FAF1: variants seen among roughly 807,000 people sequenced by gnomAD.
FAF1 encodes the protein FAS-associated factor 1.
A neutral mutation model predicts 92.5 loss-of-function variants in FAF1; 25 were observed. That is an observed-to-expected ratio of 0.27 (90% confidence interval 0.20 to 0.38). FAF1 has a LOEUF of 0.38. FAF1 is among the 10% of genes least tolerant of loss of function. The pLI is 1.00. For missense variants in FAF1, 636 were observed against 793.3 expected (o/e 0.80, Z 2.38); for synonymous variants, 234 against 273.2 (o/e 0.86, Z 1.42).
chr1:50,757,417 T>C (rs1660118730), intron 4 of FAF1, among the ~76,000 whole-genome samples: 1 of 152,214 alleles, frequency 6.6e-6, no homozygotes, highest in South Asian at 2.1e-4. Context: ...TGATTTTAAA[T>C]ATTTCAAACT....
chr1:50,721,717 G>A (rs1006311350), intron 6 of FAF1, among the ~76,000 whole-genome samples: 2 of 151,874 alleles, frequency 1.3e-5, no homozygotes, highest in African/African-American at 4.8e-5. Context: ...TCAACCTCCT[G>A]GCCTCAAGCA....
chr1:50,904,869 CTATT>C (rs1384710645), intron 1 of FAF1, among the ~76,000 whole-genome samples: 2 of 151,580 alleles, frequency 1.3e-5, no homozygotes, highest in Admixed American at 6.6e-5. Flanking sequence ...ATAATATTTC[CTATT>C]TTTTTCCTTT....
chr1:50,949,083 G>A (rs1645193875), intron 1 of FAF1, among the ~76,000 whole-genome samples: 7 of 152,180 alleles, frequency 4.6e-5, no homozygotes, highest in Admixed American at 4.6e-4. Context: ...AAGAATCACA[G>A]GAATGGACGG....
At chr1:50,471,091 T>C (rs796341429) in intron 18 of FAF1, 49 of 152,314 alleles carry the variant, frequency 3.2e-4, no homozygotes, top group African/African-American at 1.1e-3. Context: ...ACAAGAGCGG[T>C]TGCACAGCAA....
At chr1:50,495,010 T>C (rs925315350) in intron 15 of FAF1, among the ~76,000 whole-genome samples, 15 of 152,192 alleles carry the variant, frequency 9.9e-5, no homozygotes, top group African/African-American at 3.1e-4. Context: ...GGTCTACATA[T>C]TTATGGGATA....
chr1:50,810,053 C>T (rs750233858), intron 2 of FAF1, among the ~76,000 whole-genome samples: 2 of 152,046 alleles, frequency 1.3e-5, no homozygotes, highest in Admixed American at 6.5e-5. Context: ...GTCAGCAGTT[C>T]GAGACCAGCC....
At position 50,596,156 on chromosome 1, in the gene FAF1, A is replaced by C; in HGVS notation, c.805T>G (p.Ser269Ala). 1 of 1,614,022 alleles carries C rather than the reference A, an allele frequency of 6.2e-7. No individual in the cohort carries two copies. Among genetic ancestry groups the C allele is most frequent in the Middle Eastern group, 1.7e-4 (1 of 6,042 alleles). Reference sequence around the variant, plus strand: ...TGTTCCCGGGTCTGTGCAGGTGAAGATCTTCTTCCCACTGTAAGTCGATGG... The same window carrying C: ...TGTTCCCGGGTCTGTGCAGGTGAAGCTCTTCTTCCCACTGTAAGTCGATGG... ...PCHRLTVGRR[S>A]SPAQTREQSE... Residue 269 changes from serine to alanine, a missense_variant, in exon 9 of 19, where the codon TCT becomes GCT. This residue lies in a region of FAF1 where 317 missense variants were observed against 342.4 expected (regional missense o/e 0.93). Transcript: ENST00000396153.
intron 2 of FAF1, among the ~76,000 whole-genome samples, chr1:50,853,594 G>A (rs573463286): frequency 5.9e-5 from 9 of 152,122 alleles, no homozygotes; most frequent in Admixed American, 5.9e-4. Flanking sequence ...TTTCCTAAGA[G>A]TATCAAGTAC....
chr1:50,947,633 G>A (rs1428909610), intron 1 of FAF1, among the ~76,000 whole-genome samples: 1 of 152,210 alleles, frequency 6.6e-6, no homozygotes, highest in African/African-American at 2.4e-5. Flanking sequence ...AGCAAATTCA[G>A]CAGCAGCATT....
chr1:50,783,085 C>A (rs907754412), intron 4 of FAF1, among the ~76,000 whole-genome samples: 1 of 151,912 alleles, frequency 6.6e-6, no homozygotes, highest in Non-Finnish European at 1.5e-5. Flanking sequence ...TATGAAAAAT[C>A]ATATGCCAAC....
intron 4 of FAF1, among the ~76,000 whole-genome samples, chr1:50,772,631 C>G (rs1423573730): frequency 6.6e-6 from 1 of 152,082 alleles, no homozygotes; most frequent in African/African-American, 2.4e-5. Flanking sequence ...TTTTCACTTA[C>G]AAGTGGGAGC....
chr1:50,841,093 T>C (rs994947227), intron 2 of FAF1, among the ~76,000 whole-genome samples: 1 of 151,994 alleles, frequency 6.6e-6, no homozygotes, highest in African/African-American at 2.4e-5. Flanking sequence ...ATCCCAACTA[T>C]AGCACTACTA....
At chr1:50,758,742 G>A (rs1284806220) in intron 4 of FAF1, among the ~76,000 whole-genome samples, 1 of 152,020 alleles carries the variant, frequency 6.6e-6, no homozygotes, top group African/African-American at 2.4e-5. Context: ...AGATTATTTT[G>A]TTCAATATAG....
chr1:50,686,694 A>T (rs74780881), intron 7 of FAF1, among the ~76,000 whole-genome samples: 3,038 of 152,286 alleles, frequency 0.02, 100 homozygotes, highest in African/African-American at 0.07. Context: ...ATCAAACTCA[A>T]GAAAACTGTA....
intron 1 of FAF1, among the ~76,000 whole-genome samples, chr1:50,906,058 A>C (rs1170479613): frequency 6.6e-6 from 1 of 152,166 alleles, no homozygotes; most frequent in Non-Finnish European, 1.5e-5. Flanking sequence ...TTTTTGTATA[A>C]GGTGTAAGGA....
chr1:50,924,777 G>C (rs1644991129), intron 1 of FAF1, among the ~76,000 whole-genome samples: 1 of 152,182 alleles, frequency 6.6e-6, no homozygotes. Flanking sequence ...GAGTTCAAGA[G>C]TTCAAGACCA....
intron 2 of FAF1, among the ~76,000 whole-genome samples, chr1:50,855,162 G>A (rs1274393677): frequency 6.6e-6 from 1 of 151,728 alleles, no homozygotes; most frequent in East Asian, 1.9e-4. Flanking sequence ...AGGAATACTT[G>A]ACCTGTGTAA....
intron 2 of FAF1, among the ~76,000 whole-genome samples, chr1:50,813,997 A>G (rs1643942123): frequency 6.6e-6 from 1 of 152,174 alleles, no homozygotes; most frequent in South Asian, 2.1e-4. Flanking sequence ...TTTTACCTAT[A>G]CATATAGTTA....
chr1:50,790,391 C>T (rs186618727), intron 3 of FAF1, among the ~76,000 whole-genome samples: 7 of 152,240 alleles, frequency 4.6e-5, no homozygotes, highest in South Asian at 2.1e-4. Context: ...CCGCCTGCCT[C>T]GGCCTCCCAA....
Sources: allele counts gnomAD v4.1 joint callset (sites outside exome capture counted in the v4.1 genomes callset), GRCh38; gene constraint gnomAD v4.1.1; regional missense constraint gnomAD v4.1.1; transcripts MANE v1.5; gene names NCBI Gene and HGNC (gene_info 2026-07-23, HGNC 2026-07-21).